Variants in EVC observed in about 807,000 individuals in gnomAD.
EVC encodes evC complex member EVC.
In EVC, 116 loss-of-function variants were observed where a neutral mutation model predicts 118.9. The observed-to-expected ratio is 0.98, with a 90% CI of 0.84 to 1.14. The LOEUF (loss-of-function observed/expected upper bound fraction) is 1.14, where lower values mean the gene tolerates loss of function less well. EVC is among the 50% of genes most tolerant of loss of function. The pLI, the probability that EVC is intolerant of heterozygous loss-of-function variation, is 0.00. For synonymous variants in EVC, 619 were observed against 534.7 expected, an observed-to-expected ratio of 1.16 and a Z score of -2.18; for missense variants, 1,401 against 1,246.4, an observed-to-expected ratio of 1.12 and a Z score of -1.87.
At chr4:5,806,995 G>A (rs753878077) in intron 17 of EVC, among the ~76,000 whole-genome samples, 8 of 151,990 alleles carry the variant, frequency 5.3e-5, no homozygotes, top group African/African-American at 9.7e-5. Context: ...TTTTAAGAAC[G>A]TCTATTCATG....
intron 11 of EVC, among the ~76,000 whole-genome samples, chr4:5,772,923 G>T (rs1450376185): frequency 6.6e-6 from 1 of 152,064 alleles, no homozygotes; most frequent in Non-Finnish European, 1.5e-5. Flanking sequence ...CTTCTTTAGG[G>T]GAGCCCTCCT....
chr4:5,801,443 C>T (rs888005728), intron 15 of EVC, among the ~76,000 whole-genome samples: 1 of 152,086 alleles, frequency 6.6e-6, no homozygotes, highest in African/African-American at 2.4e-5. Context: ...CTTTGGGAGG[C>T]CGAGGTGGGC....
intron 20 of EVC, 84 bp from the exon 21 acceptor site, chr4:5,810,869 A>G: frequency 1.5e-6 from 2 of 1,306,040 alleles, no homozygotes; most frequent in African/African-American, 1.5e-5. Flanking sequence ...CTGCATTTTC[A>G]TTTAATCCGA....
chr4:5,772,059 G>A (rs1475844538), intron 11 of EVC, among the ~76,000 whole-genome samples: 1 of 151,946 alleles, frequency 6.6e-6, no homozygotes, highest in Non-Finnish European at 1.5e-5. Flanking sequence ...ACCACGCCCA[G>A]CTAATTTTTT....
At chr4:5,794,926 A>G (rs1713662572) in intron 13 of EVC, among the ~76,000 whole-genome samples, 1 of 152,096 alleles carries the variant, frequency 6.6e-6, no homozygotes, top group Non-Finnish European at 1.5e-5. Context: ...TATTGTTCCC[A>G]TCCTTATATC....
chr4:5,784,342 A>G (rs974703819), intron 12 of EVC, among the ~76,000 whole-genome samples: 1 of 152,058 alleles, frequency 6.6e-6, no homozygotes, highest in African/African-American at 2.4e-5. Context: ...AGGAGGGTTG[A>G]TGTTCTAAGC....
rs370514515 is a variant in EVC, at chr4:5,801,986, G to A, written c.2341G>A (p.Val781Met). ...LMEAAVESVY[V>M]TSAGVSRLVQ... is the part of the protein sequence containing the mutation. ...GGAGGCGGCAGTGGAGAGCGTCTACGTGACCAGCGCTGGTGTCAGCCGCCT... is the reference window on the plus strand; with the variant it reads ...GGAGGCGGCAGTGGAGAGCGTCTACATGACCAGCGCTGGTGTCAGCCGCCT... Residue 781 changes from valine (V) to methionine (M), a missense_variant, in exon 16 of 21, where the codon GTG becomes ATG. Coordinates refer to ENST00000264956, the MANE Select transcript of EVC (RefSeq NM_153717.3). 1.0e-4 allele frequency: 162 copies of A among 1,614,020 alleles called. 1 individual carries two copies. The highest frequency in any genetic ancestry group is 1.1e-4 in the Non-Finnish European group (125 of 1,180,024).
At chr4:5,717,170 A>G (rs1724100297) in intron 1 of EVC, among the ~76,000 whole-genome samples, 1 of 151,980 alleles carries the variant, frequency 6.6e-6, no homozygotes. Flanking sequence ...TCTTTTTTAC[A>G]TTATCTTTGG....
intron 3 of EVC, among the ~76,000 whole-genome samples, chr4:5,729,822 C>T (rs1726497219): frequency 6.6e-6 from 1 of 152,146 alleles, no homozygotes. Flanking sequence ...TTATGCCTAT[C>T]AGGTAAATAA....
At chr4:5,713,676 CAAAAA>C (rs35032068) in intron 1 of EVC, among the ~76,000 whole-genome samples, 3 of 71,750 alleles carry the variant, frequency 4.2e-5, no homozygotes, top group African/African-American at 6.2e-5. Context: ...GGCTCCGTCT[CAAAAA>C]AAAAAAAAAA....
At chr4:5,828,788 T>C in the EVC span, 2 of 1,193,248 alleles carry the variant, frequency 1.7e-6, no homozygotes, top group Non-Finnish European at 2.3e-6. Context: ...TTTTTCTCTC[T>C]AAAAATACCT....
In EVC at chr4:5,755,019, G is replaced by A. The variant is rs1257676077; in HGVS notation, c.1464+1086G>A. On this transcript the variant is annotated intron_variant, in intron 10 of 20. Transcript: ENST00000264956. The surrounding 1 kb of genome is among the most constrained non-coding windows in gnomAD (Gnocchi z 4.1). ...ACCACTGCAGTGAGAAGCCAATGGA[G>A]GGGTCCCCCGAGAACAGAGGACAGG... Among the ~76,000 whole-genome samples, 4 of 152,078 alleles carry A rather than the reference G, an allele frequency of 2.6e-5. No homozygotes were observed. Among genetic ancestry groups the A allele is most frequent in the African/African-American group, 9.7e-5 (4 of 41,424 alleles).
chr4:5,797,730 G>A (rs1186245578), intron 14 of EVC, among the ~76,000 whole-genome samples: 1 of 152,184 alleles, frequency 6.6e-6, no homozygotes, highest in African/African-American at 2.4e-5. Context: ...ATAACAAGTG[G>A]AGACAGTGGA....
At chr4:5,745,372 A>G in intron 7 of EVC, 31 bp downstream of exon 7, 1 of 1,605,040 alleles carries the variant, frequency 6.2e-7, no homozygotes, top group Non-Finnish European at 8.5e-7. Flanking sequence ...CCTGTACACA[A>G]ATTTTGGTTC....
In EVC at chr4:5,802,084, G is replaced by C. The variant is rs771441586; in HGVS notation, c.2439G>C (p.Lys813Asn). Residue 813 changes from lysine (K) to asparagine (N), a missense_variant, in exon 16 of 21, where the codon AAG becomes AAC. Lys to Asn is a moderately conservative substitution (Grantham distance 94). Transcript: ENST00000264956. The stretch of plus-strand genomic sequence containing the variant: ...AGGAGAGAAAACTGCAGCACCTGAA[G>C]ACCCTGCAGGGTACGGGACCCCCCC... ...DHEERKLQHL[K>N]TLQGERMENY... 1 of 1,608,714 alleles carries C rather than the reference G, an allele frequency of 6.2e-7. No homozygotes were observed. Among genetic ancestry groups the C allele is most frequent in the South Asian group, 1.1e-5 (1 of 90,258 alleles).
chr4:5,804,961 C>T (rs1715630690), intron 17 of EVC, 120 bp downstream of exon 17: 15 of 855,734 alleles, frequency 1.8e-5, no homozygotes, highest in East Asian at 1.5e-4. Flanking sequence ...TGGGGGCCAT[C>T]GGCCTTCCTC....
rs574484355 is a variant in EVC, at chr4:5,746,166, G to A, written c.939+825G>A. 2.6e-5 allele frequency among the ~76,000 whole-genome samples: 4 copies of A among 152,264 alleles called. No individual in the cohort carries two copies. Among genetic ancestry groups the A allele is most frequent in the East Asian group, 1.9e-4 (1 of 5,176 alleles). ...GGGCTTGTTTGTGTCTTAAGCCAGCGAGATGGGAGTGTCTATTGCCAGCGA... is the reference window on the plus strand; with the variant it reads ...GGGCTTGTTTGTGTCTTAAGCCAGCAAGATGGGAGTGTCTATTGCCAGCGA... On this transcript the variant is annotated intron_variant, in intron 7 of 20. Transcript: ENST00000264956. The surrounding 1 kb of genome is among the most constrained non-coding windows in gnomAD (Gnocchi z 5.8).
At chr4:5,804,528 C>A (rs1577648659) in intron 16 of EVC, among the ~76,000 whole-genome samples, 1 of 152,148 alleles carries the variant, frequency 6.6e-6, no homozygotes, top group East Asian at 1.9e-4. Flanking sequence ...CAGGGCGCAT[C>A]ATAGTTTCGC....
intron 11 of EVC, among the ~76,000 whole-genome samples, chr4:5,761,443 T>C (rs921318257): frequency 1.6e-5 from 2 of 128,326 alleles, no homozygotes; most frequent in Non-Finnish European, 3.1e-5. Flanking sequence ...GGCTGTTTTT[T>C]CCAAAGAGGT....
Sources: gnomAD v4.1 joint callset for allele counts (sites outside exome capture counted in the v4.1 genomes callset) on GRCh38, gnomAD v4.1.1 for gene constraint, Gnocchi (gnomAD v3.1) non-coding constraint, MANE v1.5 for transcripts, NCBI Gene and HGNC (gene_info 2026-07-23, HGNC 2026-07-21) for gene names.